The following KHDC1 variants were observed in gnomAD, a reference collection of about 807,000 sequenced individuals.
The protein encoded by KHDC1 is KH domain containing 1, also known as KH homology domain-containing protein 1.
In KHDC1, 21 loss-of-function variants were observed where a neutral mutation model predicts 24.7. The ratio of observed to expected loss-of-function variants is 0.85; its 90% confidence interval spans 0.60 to 1.23. KHDC1 has a LOEUF of 1.23. Ranked by LOEUF, KHDC1 falls within the 50% of genes most tolerant of loss-of-function variation. KHDC1 has a pLI of 0.00. For synonymous variants in KHDC1, 98 were observed against 111.7 expected, an observed-to-expected ratio of 0.88 and a Z score of 0.77; for missense variants, 274 against 298.5, an observed-to-expected ratio of 0.92 and a Z score of 0.61.
chr6:73,279,575 ATTTT>A (rs560281126), intron 2 of KHDC1, among the ~76,000 whole-genome samples: 10 of 98,298 alleles, frequency 1.0e-4, no homozygotes, highest in East Asian at 6.4e-4. Context: ...GGGACCATGG[ATTTT>A]TTTTTTTTTT....
At chr6:73,246,108 G>A (rs906093657) in intron 2 of KHDC1, among the ~76,000 whole-genome samples, 1 of 152,164 alleles carries the variant, frequency 6.6e-6, no homozygotes, top group African/African-American at 2.4e-5. Context: ...CAAGAGGTCA[G>A]AAAAACCTCT....
intron 2 of KHDC1, among the ~76,000 whole-genome samples, chr6:73,246,989 T>A (rs2150552696): frequency 6.6e-6 from 1 of 152,232 alleles, no homozygotes; most frequent in East Asian, 1.9e-4. Context: ...TTTTTCTGTT[T>A]TTTTTGAGAC....
intron 2 of KHDC1, among the ~76,000 whole-genome samples, chr6:73,286,324 C>T (rs1251472222): frequency 6.6e-6 from 1 of 152,172 alleles, no homozygotes; most frequent in Non-Finnish European, 1.5e-5. Flanking sequence ...ATACTAATCA[C>T]ATTAATTTCT....
intron 1 of KHDC1, among the ~76,000 whole-genome samples, chr6:73,294,010 AAAAAAAAAC>A (rs1470530509): frequency 2.0e-5 from 3 of 150,346 alleles, no homozygotes; most frequent in African/African-American, 7.3e-5. Flanking sequence ...CACCTCAAAA[AAAAAAAAAC>A]AAAAAAAAAC....
chr6:73,272,249 T>C (rs1038924944), intron 2 of KHDC1, among the ~76,000 whole-genome samples: 1 of 151,542 alleles, frequency 6.6e-6, no homozygotes, highest in African/African-American at 2.4e-5. Context: ...CTGCAATCTC[T>C]GCCTCCCAGG....
chr6:73,307,672 C>T (rs1389798036), intron 1 of KHDC1, among the ~76,000 whole-genome samples: 5 of 152,114 alleles, frequency 3.3e-5, no homozygotes, highest in African/African-American at 1.2e-4. Context: ...CAGCCTTAAA[C>T]GGAGTGCCCA....
chr6:73,260,859 C>T (rs1322682361), intron 2 of KHDC1, among the ~76,000 whole-genome samples: 1 of 152,100 alleles, frequency 6.6e-6, no homozygotes, highest in Admixed American at 6.6e-5. Context: ...ATTCTTACTT[C>T]TTCATCTATT....
intron 2 of KHDC1, among the ~76,000 whole-genome samples, chr6:73,263,846 C>T (rs763427466): frequency 1.3e-5 from 2 of 152,188 alleles, no homozygotes; most frequent in Non-Finnish European, 2.9e-5. Flanking sequence ...CCCTCCCTGG[C>T]AGTATTGGGA....
rs1355667500 is a variant in KHDC1 at position 73,263,058 on chromosome 6, GGCGGCGGCGGCA to G, written c.207-20540_207-20529del. 371 of 110,108 alleles carry G rather than the reference GGCGGCGGCGGCA, an allele frequency of 3.4e-3. 1 individual carries two copies. Among genetic ancestry groups the G allele is most frequent in the Admixed American group, 9.5e-3 (13 of 1,370 alleles). The allele number at this position is 110,108 out of a possible 1,614,324, so 6.8% of individuals were successfully genotyped here. ...TGAGTAGGGCGGCGGCGGCGGCGGC[GGCGGCGGCGGCA>G]GCGGCGGCAGCGGCTGCAGGCCTGG... On this transcript the variant is annotated intron_variant, in intron 2 of 4. Coordinates refer to ENST00000370384, the Ensembl canonical transcript of KHDC1.
intron 2 of KHDC1, among the ~76,000 whole-genome samples, chr6:73,288,516 G>A (rs1767563209): frequency 6.6e-6 from 1 of 152,166 alleles, no homozygotes. Context: ...AGCTACTCAG[G>A]AGGCTGAGGC....
At chr6:73,258,447 A>G (rs1292646485) in intron 2 of KHDC1, among the ~76,000 whole-genome samples, 1 of 152,164 alleles carries the variant, frequency 6.6e-6, no homozygotes, top group Non-Finnish European at 1.5e-5. Context: ...TGTCTCAAAA[A>G]AGAAAAAAAA....
At chr6:73,286,320 A>G (rs2150701000) in intron 2 of KHDC1, among the ~76,000 whole-genome samples, 1 of 152,338 alleles carries the variant, frequency 6.6e-6, no homozygotes, top group Admixed American at 6.5e-5. Context: ...TTAGATACTA[A>G]TCACATTAAT....
chr6:73,299,925 G>A (rs1353421511), intron 1 of KHDC1: 1 of 152,314 alleles, frequency 6.6e-6, no homozygotes, highest in Non-Finnish European at 1.5e-5. Context: ...AAAGTACACA[G>A]GGGTAGTTGA....
At chr6:73,309,887 G>A in exon 1 of KHDC1, 1 of 683,100 alleles carries the variant, frequency 1.5e-6, no homozygotes, top group Non-Finnish European at 2.4e-6. Flanking sequence ...CTGGACCAAT[G>A]CACAGTCTAG....
chr6:73,278,917 G>T (rs142292633), intron 2 of KHDC1, among the ~76,000 whole-genome samples: 1 of 152,182 alleles, frequency 6.6e-6, no homozygotes, highest in African/African-American at 2.4e-5. Flanking sequence ...CGTTTTTCCT[G>T]CCTCTTTGTC....
intron 2 of KHDC1, among the ~76,000 whole-genome samples, chr6:73,253,873 T>G (rs952343041): frequency 6.6e-6 from 1 of 152,104 alleles, no homozygotes; most frequent in African/African-American, 2.4e-5. Context: ...TACACCGCAC[T>G]CCAGCTTGGG....
At chr6:73,252,959 G>T (rs533523768) in intron 2 of KHDC1, among the ~76,000 whole-genome samples, 2 of 152,156 alleles carry the variant, frequency 1.3e-5, no homozygotes, top group South Asian at 2.1e-4. Flanking sequence ...TGTCATAAAA[G>T]ATCATCCTTT....
intron 2 of KHDC1, chr6:73,274,200 G>A (rs564608584): frequency 2.6e-5 from 4 of 152,070 alleles, no homozygotes; most frequent in Non-Finnish European, 5.9e-5. Context: ...CATTTTTAAT[G>A]AAAAATAACT....
chr6:73,254,363 A>C (rs1487134071), intron 2 of KHDC1, among the ~76,000 whole-genome samples: 1 of 152,052 alleles, frequency 6.6e-6, no homozygotes, highest in Non-Finnish European at 1.5e-5. Context: ...CGGGAGGCTG[A>C]GGCAGGAGAA....
Sources: gnomAD v4.1 joint callset for allele counts (sites outside exome capture counted in the v4.1 genomes callset) on GRCh38, gnomAD v4.1.1 for gene constraint, MANE v1.5 for transcripts, NCBI Gene and HGNC (gene_info 2026-07-23, HGNC 2026-07-21) for gene names.